The following ASMTL variants were observed in gnomAD, a reference collection of about 807,000 sequenced individuals.
ASMTL encodes the protein probable bifunctional dTTP/UTP pyrophosphatase/methyltransferase protein.
A neutral mutation model predicts 60.3 loss-of-function variants in ASMTL; 57 were observed. The observed-to-expected ratio is 0.95, with a 90% CI of 0.76 to 1.18. The LOEUF (loss-of-function observed/expected upper bound fraction) is 1.18, where lower values mean the gene tolerates loss of function less well. ASMTL is among the 50% of genes most tolerant of loss of function. The pLI, the probability that ASMTL is intolerant of heterozygous loss-of-function variation, is 0.00. For missense variants in ASMTL, 981 were observed against 852.6 expected, an observed-to-expected ratio of 1.15 and a Z score of -1.88; for synonymous variants, 419 against 373.0, an observed-to-expected ratio of 1.12 and a Z score of -1.42.
chrX:1,414,910 T>A (rs1431940002), intron 11 of ASMTL, among the ~76,000 whole-genome samples: 4 of 151,394 alleles, frequency 2.6e-5, no homozygotes, highest in African/African-American at 9.7e-5. Context: ...CGGATGGTGC[T>A]GAGTTACAGC....
chrX:1,415,672 G>A lies in ASMTL; in HGVS notation c.1522+2301C>T, dbSNP rs113645885. ...GTAGAGATGGGGTTTCGCCATGTTG[G>A]CCAGGCTGGTCTCGAACTCCTGACC... On this transcript the variant is annotated intron_variant, in intron 11 of 12. Coordinates refer to ENST00000381317, the MANE Select transcript of ASMTL (RefSeq NM_004192.4). Among the ~76,000 whole-genome samples, 1,160 of 151,580 alleles carry A rather than the reference G, an allele frequency of 7.7e-3. 19 individuals are homozygous for A. Among genetic ancestry groups the A allele is most frequent in the African/African-American group, 0.026 (1,082 of 41,288 alleles).
rs2089662334 is a variant in ASMTL at position 1,403,287 on chromosome X, G to A, written c.1848C>T (p.Ala616=). 1.9e-6 allele frequency: 3 copies of A among 1,612,738 alleles called. No individual in the cohort carries two copies. The highest frequency in any genetic ancestry group is 2.7e-5 in the African/African-American group (2 of 74,914). Residue 616 remains alanine, a synonymous_variant, in exon 13 of 13, where the codon GCC becomes GCT. Coordinates refer to ENST00000381317, the MANE Select transcript of ASMTL (RefSeq NM_004192.4). Reference sequence around the variant, plus strand: ...CTGGGCTTCAGGGGGCCACTTTGGTGGCCAAGATGGCATCCAGGACACCCC... The same window carrying A: ...CTGGGCTTCAGGGGGCCACTTTGGTAGCCAAGATGGCATCCAGGACACCCC... ...HLGGVLDAIL[A]TKVAP
At chrX:1,420,650 G>A (rs1381656384) in intron 9 of ASMTL, among the ~76,000 whole-genome samples, 1 of 152,222 alleles carries the variant, frequency 6.6e-6, no homozygotes. Flanking sequence ...GTCCACCTCA[G>A]GAAGGTTCTG....
intron 6 of ASMTL, among the ~76,000 whole-genome samples, chrX:1,428,908 T>G (rs2090694256): frequency 6.6e-6 from 1 of 150,972 alleles, no homozygotes; most frequent in Admixed American, 6.7e-5. Flanking sequence ...TTTATTTTTA[T>G]TTTTTAAAGA....
At chrX:1,405,282 G>C (rs1179196260) in intron 12 of ASMTL, among the ~76,000 whole-genome samples, 23 of 141,862 alleles carry the variant, frequency 1.6e-4, no homozygotes, top group African/African-American at 5.7e-4. Context: ...ATGAGTGGAT[G>C]GATAGATGGA....
chrX:1,436,413 C>T (rs1469693052), intron 3 of ASMTL, among the ~76,000 whole-genome samples: 3 of 152,058 alleles, frequency 2.0e-5, no homozygotes, highest in South Asian at 2.1e-4. Context: ...AGTGCAGTGG[C>T]GCGATCTCGG....
At chrX:1,425,714 C>T (rs766060827) in intron 7 of ASMTL, 27 bp from the exon 8 acceptor site, 8 of 1,608,662 alleles carry the variant, frequency 5.0e-6, no homozygotes, top group Non-Finnish European at 5.9e-6. Context: ...CAGAGAGACT[C>T]ATTAAGTCCC....
At chrX:1,414,315 G>A (rs1326847823) in intron 11 of ASMTL, among the ~76,000 whole-genome samples, 1 of 152,192 alleles carries the variant, frequency 6.6e-6, no homozygotes, top group Non-Finnish European at 1.5e-5. Context: ...CAAGCTGTGA[G>A]TTGCATGAGG....
At chrX:1,425,848 A>G (rs1401521195) in intron 7 of ASMTL, 161 bp from the exon 8 acceptor site, 2 of 233,728 alleles carry the variant, frequency 8.6e-6, no homozygotes, top group Non-Finnish European at 1.4e-5. Flanking sequence ...TCAAGTCCCC[A>G]GCTATAAAAC....
At chrX:1,453,371 G>A (rs1446946502), upstream of ASMTL, among the ~76,000 whole-genome samples, 1 of 146,418 alleles carries the variant, frequency 6.8e-6, no homozygotes, top group African/African-American at 2.5e-5. Context: ...CACCGCCCCG[G>A]CCGCTTGGTG....
At chrX:1,428,191 T>C (rs2090667136) in intron 6 of ASMTL, 70 bp from the exon 7 acceptor site, 1 of 1,525,938 alleles carries the variant, frequency 6.6e-7, no homozygotes, top group African/African-American at 1.4e-5. Flanking sequence ...ATTTCACGGC[T>C]GGGAGGCGGA....
chrX:1,443,187 C>T (rs1432069068), intron 1 of ASMTL, among the ~76,000 whole-genome samples: 21 of 151,892 alleles, frequency 1.4e-4, no homozygotes, highest in African/African-American at 2.2e-4. Context: ...ACACCGCCAT[C>T]GTGGACACAC....
At chrX:1,432,955 G>C (rs66927753) in intron 5 of ASMTL, among the ~76,000 whole-genome samples, 1 of 150,660 alleles carries the variant, frequency 6.6e-6, no homozygotes, top group African/African-American at 2.4e-5. Context: ...AAAATTAGCC[G>C]GGCGTGGTGG....
chrX:1,433,444 T>C (rs1410914131), intron 5 of ASMTL, among the ~76,000 whole-genome samples: 1 of 134,654 alleles, frequency 7.4e-6, no homozygotes, highest in African/African-American at 2.8e-5. Context: ...GGCGGGCGGA[T>C]CACAAGGTCA....
chrX:1,433,047 A>C (rs370140958), intron 5 of ASMTL, among the ~76,000 whole-genome samples: 2 of 135,466 alleles, frequency 1.5e-5, no homozygotes, highest in South Asian at 2.4e-4. Context: ...GCAGTGAGCC[A>C]AGATCACGCC....
chrX:1,434,655 T>C (rs1286877545), intron 5 of ASMTL, among the ~76,000 whole-genome samples: 1 of 150,948 alleles, frequency 6.6e-6, no homozygotes. Context: ...AATACAAAAA[T>C]TAGCCGGGCA....
chrX:1,428,972 C>T (rs1312679013), intron 6 of ASMTL, among the ~76,000 whole-genome samples: 7 of 151,678 alleles, frequency 4.6e-5, no homozygotes, highest in African/African-American at 1.7e-4. Flanking sequence ...TCTCGGCTCC[C>T]TGCAACCTCC....
At chrX:1,421,932 A>ATTTT in intron 8 of ASMTL, 90 bp from the exon 9 acceptor site, 5 of 1,226,218 alleles carry the variant, frequency 4.1e-6, no homozygotes, top group Non-Finnish European at 6.0e-6. Flanking sequence ...ATGTTAAAAT[A>ATTTT]AACATCACCC....
At position 1,418,022 on chromosome X, in the gene ASMTL, G is replaced by A. The variant is rs369731792; in HGVS notation, c.1473C>T (p.Ala491=). The A allele has an allele frequency of 1.5e-5, 25 of 1,613,528 alleles. No individual in the cohort carries two copies. Among genetic ancestry groups the A allele is most frequent in the African/African-American group, 4.0e-5 (3 of 74,918 alleles). The change falls in exon 11 of 13, where the codon GCC becomes GCT. Residue 491 remains alanine, a synonymous_variant. Transcript: ENST00000381317. ...CCTGCGGTCCGGGGGGTTGGAAGTG[G>A]GCGGCCAGCTCGATAATGTCTGGGA... is the stretch of plus-strand genomic sequence containing the variant. ...FDLPDIIELA[A]HFQPPGPQAV...
Sources: allele counts gnomAD v4.1 joint callset (sites outside exome capture counted in the v4.1 genomes callset), GRCh38; gene constraint gnomAD v4.1.1; transcripts MANE v1.5; gene names NCBI Gene and HGNC (gene_info 2026-07-23, HGNC 2026-07-21).